Variants in CDH13 observed in about 807,000 individuals in gnomAD.
The protein encoded by CDH13 is cadherin 13, also known as cadherin-13.
CDH13 carries 24 observed loss-of-function variants against 63.8 expected under a neutral mutation model. The observed-to-expected ratio is 0.38, with a 90% confidence interval of 0.27 to 0.53. The LOEUF (loss-of-function observed/expected upper bound fraction) is 0.53, where lower values mean the gene tolerates loss of function less well. Among genes scored for constraint, CDH13 ranks in the 20% least tolerant of loss-of-function variants. The pLI is 0.85. For missense variants in CDH13, 1,049 were observed against 903.1 expected (o/e 1.16, Z -2.07); for synonymous variants, 503 against 355.3 (o/e 1.42, Z -4.67).
chr16:83,372,726 T>G (rs903601020), intron 6 of CDH13, among the ~76,000 whole-genome samples: 8 of 130,308 alleles, frequency 6.1e-5, no homozygotes, highest in Admixed American at 4.6e-4. Flanking sequence ...CACTCCAGCC[T>G]GGTGACAGAG....
chr16:82,969,800 G>C (rs535378649), intron 2 of CDH13, among the ~76,000 whole-genome samples: 6 of 152,042 alleles, frequency 3.9e-5, no homozygotes, highest in Non-Finnish European at 8.8e-5. Flanking sequence ...TCCAGGTGAA[G>C]GAATGGACTG....
At chr16:83,432,841 A>G (rs2072164447) in intron 6 of CDH13, among the ~76,000 whole-genome samples, 1 of 152,220 alleles carries the variant, frequency 6.6e-6, no homozygotes, top group Non-Finnish European at 1.5e-5. Context: ...CGATTTAAAA[A>G]TCACCACCAC....
At chr16:82,924,180 G>C (rs1028723580) in intron 2 of CDH13, among the ~76,000 whole-genome samples, 1 of 152,148 alleles carries the variant, frequency 6.6e-6, no homozygotes, top group Non-Finnish European at 1.5e-5. Context: ...TAAGAAGGTG[G>C]TAAATGTAAA....
chr16:83,402,139 C>T (rs2091977938), intron 6 of CDH13, among the ~76,000 whole-genome samples: 1 of 152,080 alleles, frequency 6.6e-6, no homozygotes, highest in African/African-American at 2.4e-5. Flanking sequence ...AACTTTGATG[C>T]TGTACACTAG....
At position 83,074,092 on chromosome 16, in the gene CDH13, C is replaced by T. The variant is rs2151547823; in HGVS notation, c.366+41874C>T. ...CTATTAACATTAAAACTTCTTCCTT[C>T]TGTCTACTGCCTGTTTGTACTTAAC... On this transcript the variant is annotated intron_variant, in intron 3 of 13. Transcript: ENST00000567109. Among the ~76,000 whole-genome samples the T allele has an allele frequency of 2.0e-5, 3 of 152,272 alleles. No homozygotes were observed. The Middle Eastern group carries it at 0.01, about 518-fold the overall frequency.
chr16:83,604,095 C>T (rs1908104385), intron 8 of CDH13, among the ~76,000 whole-genome samples: 2 of 152,168 alleles, frequency 1.3e-5, no homozygotes, highest in South Asian at 4.1e-4. Context: ...TATAATTCAA[C>T]ATGAGATTTG....
intron 1 of CDH13, among the ~76,000 whole-genome samples, chr16:82,750,059 G>A (rs1045375792): frequency 6.6e-6 from 1 of 152,106 alleles, no homozygotes; most frequent in Non-Finnish European, 1.5e-5. Flanking sequence ...AGTCCATGGA[G>A]GAGTTGCACC....
At chr16:83,231,999 T>C (rs985692652) in intron 5 of CDH13, among the ~76,000 whole-genome samples, 1 of 151,910 alleles carries the variant, frequency 6.6e-6, no homozygotes, top group African/African-American at 2.4e-5. Flanking sequence ...TTCTAACTTA[T>C]AAGTGGGAGC....
chr16:83,204,536 C>T lies in CDH13; in HGVS notation c.484-12809C>T, dbSNP rs7201433. ...CACCATGAGCCTTTCCATTATTTTC[C>T]ATTGTGCAGAAGACAGGAGTGAGGC... On this transcript the variant is annotated intron_variant, in intron 4 of 13. Coordinates refer to ENST00000567109, the MANE Select transcript of CDH13 (RefSeq NM_001257.5). Among the ~76,000 whole-genome samples, 1,012 of 152,194 alleles carry T rather than the reference C, an allele frequency of 6.6e-3. 10 individuals are homozygous for T. Among genetic ancestry groups the T allele is most frequent in the African/African-American group, 0.024 (979 of 41,524 alleles).
At chr16:83,234,483 A>T (rs2040089400) in intron 5 of CDH13, among the ~76,000 whole-genome samples, 1 of 152,024 alleles carries the variant, frequency 6.6e-6, no homozygotes, top group South Asian at 2.1e-4. Context: ...GGAGAGGGAA[A>T]CCCCTTGAGG....
At chr16:83,118,509 C>T (rs1382869380) in intron 3 of CDH13, among the ~76,000 whole-genome samples, 1 of 152,210 alleles carries the variant, frequency 6.6e-6, no homozygotes, top group African/African-American at 2.4e-5. Context: ...TGCGTGTCTA[C>T]ATGTGTCTGT....
chr16:82,768,410 G>A (rs1016310405), intron 1 of CDH13, among the ~76,000 whole-genome samples: 2 of 152,156 alleles, frequency 1.3e-5, no homozygotes, highest in East Asian at 1.9e-4. Context: ...TACAGCCTTT[G>A]CAGAATTTGT....
At chr16:83,711,623 C>G (rs568724215) in intron 10 of CDH13, among the ~76,000 whole-genome samples, 2 of 152,340 alleles carry the variant, frequency 1.3e-5, no homozygotes, top group African/African-American at 4.8e-5. Flanking sequence ...TCAAGCGATT[C>G]TCGTGCCTCA....
At chr16:82,786,171 T>G (rs1242328800) in intron 1 of CDH13, among the ~76,000 whole-genome samples, 3 of 152,196 alleles carry the variant, frequency 2.0e-5, no homozygotes, top group Non-Finnish European at 4.4e-5. Flanking sequence ...GGAAAACGGT[T>G]GCTTTACGAG....
intron 1 of CDH13, among the ~76,000 whole-genome samples, chr16:82,677,539 C>G (rs1420182430): frequency 6.9e-6 from 1 of 145,670 alleles, no homozygotes; most frequent in Non-Finnish European, 1.5e-5. Flanking sequence ...TAAATAACGA[C>G]TAAATTACTG....
chr16:83,136,943 G>A (rs1437473340), intron 4 of CDH13, among the ~76,000 whole-genome samples: 3 of 152,226 alleles, frequency 2.0e-5, no homozygotes, highest in African/African-American at 7.2e-5. Context: ...ACAGCGGCCA[G>A]TTTCAAGCTA....
intron 4 of CDH13, among the ~76,000 whole-genome samples, chr16:83,146,622 G>A (rs978192928): frequency 2.6e-5 from 4 of 152,202 alleles, no homozygotes; most frequent in Non-Finnish European, 5.9e-5. Context: ...TGTATGTCAC[G>A]TTAACCAGAA....
At chr16:83,133,773 A>G (rs888053881) in intron 4 of CDH13, among the ~76,000 whole-genome samples, 1 of 152,198 alleles carries the variant, frequency 6.6e-6, no homozygotes, top group African/African-American at 2.4e-5. Flanking sequence ...TGCTGGGATT[A>G]CAGGTGTGAC....
chr16:82,797,244 T>C (rs1180700897), intron 1 of CDH13, among the ~76,000 whole-genome samples: 2 of 152,224 alleles, frequency 1.3e-5, no homozygotes, highest in African/African-American at 4.8e-5. Flanking sequence ...GTGTTACCAG[T>C]GTGATTTGCT....
Sources: gnomAD v4.1 joint callset for allele counts (sites outside exome capture counted in the v4.1 genomes callset) on GRCh38, gnomAD v4.1.1 for gene constraint, MANE v1.5 for transcripts, NCBI Gene and HGNC (gene_info 2026-07-23, HGNC 2026-07-21) for gene names.